The following TRERF1 variants were observed in gnomAD, a reference collection of about 807,000 sequenced individuals.
TRERF1 encodes the protein transcriptional-regulating factor 1.
Under a neutral mutation model 122.9 loss-of-function variants are expected in TRERF1, and 27 were observed. The observed-to-expected ratio is 0.22, with a 90% confidence interval of 0.16 to 0.30. TRERF1 has a LOEUF of 0.30. Ranked by LOEUF, TRERF1 falls within the 10% of genes least tolerant of loss-of-function variation. The pLI, the probability that TRERF1 is intolerant of heterozygous loss-of-function variation, is 1.00. For synonymous variants in TRERF1, 636 were observed against 641.7 expected (o/e 0.99, Z 0.13); for missense variants, 1,248 against 1,560.3 (o/e 0.80, Z 3.37).
At chr6:42,256,865 G>C in intron 11 of TRERF1, 34 bp from the exon 12 acceptor site, 1 of 1,613,286 alleles carries the variant, frequency 6.2e-7, no homozygotes, top group Non-Finnish European at 8.5e-7. Context: ...ATGCATCAGA[G>C]AGAGCTGAGT....
intron 2 of TRERF1, among the ~76,000 whole-genome samples, chr6:42,375,003 CA>C (rs55696342): frequency 0.42 from 36,944 of 87,416 alleles, 5,313 homozygotes; most frequent in Middle Eastern, 0.58. Flanking sequence ...AAGATTCTGT[CA>C]AAAAAAAAAA....
intron 4 of TRERF1, among the ~76,000 whole-genome samples, chr6:42,273,011 C>G (rs1327342288): frequency 6.6e-6 from 1 of 152,134 alleles, no homozygotes; most frequent in Admixed American, 6.5e-5. Flanking sequence ...CACTGCAGGG[C>G]CTTTGTACAT....
chr6:42,372,199 AC>A (rs942151222), intron 2 of TRERF1, among the ~76,000 whole-genome samples: 7 of 152,070 alleles, frequency 4.6e-5, no homozygotes, highest in African/African-American at 1.7e-4. Flanking sequence ...AAAAACAAAA[AC>A]AAAAACCCCT....
chr6:42,324,382 T>C (rs1763936540), intron 3 of TRERF1, among the ~76,000 whole-genome samples: 1 of 152,228 alleles, frequency 6.6e-6, no homozygotes, highest in Non-Finnish European at 1.5e-5. Flanking sequence ...ACATCATTTT[T>C]CACAGAATTT....
intron 13 of TRERF1, among the ~76,000 whole-genome samples, chr6:42,252,212 G>A (rs1208980366): frequency 1.3e-5 from 2 of 152,220 alleles, no homozygotes; most frequent in African/African-American, 2.4e-5. Flanking sequence ...CCACCACGTC[G>A]GCCCTTCCCC....
chr6:42,293,117 G>C (rs1416451584), intron 4 of TRERF1, among the ~76,000 whole-genome samples: 1 of 152,190 alleles, frequency 6.6e-6, no homozygotes, highest in Non-Finnish European at 1.5e-5. Context: ...TGGGCACATG[G>C]GCCTTCCCTG....
chr6:42,353,703 G>GT (rs1392275098), intron 3 of TRERF1, among the ~76,000 whole-genome samples: 1 of 152,138 alleles, frequency 6.6e-6, no homozygotes, highest in Non-Finnish European at 1.5e-5. Context: ...CTGAAACAAT[G>GT]TACAGACATT....
rs114308541 is a variant in TRERF1 at position 42,303,589 on chromosome 6, A to G, written c.-370-2840T>C. Among the ~76,000 whole-genome samples the G allele has an allele frequency of 5.5e-3, 830 of 152,228 alleles. 7 individuals are homozygous for G. Among genetic ancestry groups the G allele is most frequent in the African/African-American group, 0.019 (791 of 41,518 alleles). ...TTTCTTAACCTCACACTGTGCTCCA[A>G]TCACTGTGGTATTCAAGACAGGCAT... On this transcript the variant is annotated intron_variant, in intron 3 of 17. Transcript: ENST00000372922.
At chr6:42,320,358 C>A (rs1474268147) in intron 3 of TRERF1, among the ~76,000 whole-genome samples, 2 of 152,090 alleles carry the variant, frequency 1.3e-5, no homozygotes, top group African/African-American at 2.4e-5. Flanking sequence ...CCTATTGGCT[C>A]TTACATTGAC....
intron 13 of TRERF1, among the ~76,000 whole-genome samples, chr6:42,252,986 G>T (rs931556820): frequency 6.6e-6 from 1 of 152,112 alleles, no homozygotes. Context: ...GTCCTTCCTG[G>T]TCTGCCTGCT....
chr6:42,392,402 T>C (rs1323772737), intron 2 of TRERF1, among the ~76,000 whole-genome samples: 1 of 152,224 alleles, frequency 6.6e-6, no homozygotes, highest in African/African-American at 2.4e-5. Context: ...ATTTAGGACG[T>C]ACCTGGGACA....
intron 17 of TRERF1, among the ~76,000 whole-genome samples, chr6:42,230,107 A>T (rs1276642326): frequency 1.3e-5 from 2 of 152,156 alleles, no homozygotes; most frequent in Admixed American, 6.5e-5. Context: ...AACAAAACAA[A>T]ACAAAAACAC....
intron 7 of TRERF1, 22 bp downstream of exon 7, chr6:42,264,682 C>T (rs369185515): frequency 6.2e-6 from 10 of 1,611,834 alleles, no homozygotes; most frequent in African/African-American, 1.3e-5. Context: ...CTAGAAAGGA[C>T]CGGGAACTGG....
At chr6:42,399,051 A>G (rs559824576) in intron 2 of TRERF1, among the ~76,000 whole-genome samples, 27 of 152,286 alleles carry the variant, frequency 1.8e-4, no homozygotes, top group Admixed American at 3.9e-4. Context: ...AAACACAGGG[A>G]GAGATTTAAC....
At chr6:42,355,186 G>A (rs998207823) in intron 3 of TRERF1, among the ~76,000 whole-genome samples, 31 of 152,060 alleles carry the variant, frequency 2.0e-4, no homozygotes, top group Non-Finnish European at 3.7e-4. Context: ...AGTATATAGC[G>A]GCAGTGGGCT....
intron 2 of TRERF1, among the ~76,000 whole-genome samples, chr6:42,384,241 T>C (rs1776422490): frequency 6.6e-6 from 1 of 152,184 alleles, no homozygotes; most frequent in African/African-American, 2.4e-5. Context: ...GGAGGGTTGC[T>C]TTAATAACTT....
At chr6:42,440,852 C>T (rs950357294) in intron 2 of TRERF1, among the ~76,000 whole-genome samples, 18 of 151,940 alleles carry the variant, frequency 1.2e-4, no homozygotes, top group South Asian at 1.0e-3. Flanking sequence ...GGGTGAGAAG[C>T]GGGGATGGAG....
At chr6:42,343,698 G>A (rs1767731842) in intron 3 of TRERF1, among the ~76,000 whole-genome samples, 1 of 152,214 alleles carries the variant, frequency 6.6e-6, no homozygotes, top group African/African-American at 2.4e-5. Flanking sequence ...GTGATAACAG[G>A]TATGGGGTTT....
intron 2 of TRERF1, among the ~76,000 whole-genome samples, chr6:42,390,944 G>T (rs932310421): frequency 6.6e-6 from 1 of 152,180 alleles, no homozygotes; most frequent in Non-Finnish European, 1.5e-5. Flanking sequence ...TCCAGGGAGG[G>T]ATCACCACTG....
Sources: allele counts gnomAD v4.1 joint callset (sites outside exome capture counted in the v4.1 genomes callset), GRCh38; gene constraint gnomAD v4.1.1; transcripts MANE v1.5; gene names NCBI Gene and HGNC (gene_info 2026-07-23, HGNC 2026-07-21).